RTTN: variants seen among roughly 807,000 people sequenced by gnomAD.
RTTN encodes rotatin.
In RTTN, 182 loss-of-function variants were observed where a neutral mutation model predicts 269.2. The observed-to-expected ratio is 0.68, with a 90% CI of 0.60 to 0.76. The LOEUF is 0.76. Among genes scored for constraint, RTTN ranks in the 30% least tolerant of loss-of-function variants. RTTN has a pLI of 0.00. For synonymous variants in RTTN, 1,006 were observed against 963.5 expected, an observed-to-expected ratio of 1.04 and a Z score of -0.82; for missense variants, 2,545 against 2,608.6, an observed-to-expected ratio of 0.98 and a Z score of 0.53.
intron 14 of RTTN, among the ~76,000 whole-genome samples, chr18:70,165,174 T>C (rs2060951737): frequency 6.6e-6 from 1 of 152,100 alleles, no homozygotes; most frequent in African/African-American, 2.4e-5. Context: ...CCTAAATATT[T>C]ATCATTCAAT....
intron 21 of RTTN, among the ~76,000 whole-genome samples, chr18:70,136,491 G>A (rs890223691): frequency 4.0e-5 from 6 of 151,674 alleles, no homozygotes; most frequent in Non-Finnish European, 8.8e-5. Flanking sequence ...TAAGGATTGT[G>A]CCTATCTTAT....
At chr18:70,073,126 A>G (rs895602385) in intron 34 of RTTN, among the ~76,000 whole-genome samples, 1 of 152,062 alleles carries the variant, frequency 6.6e-6, no homozygotes, top group Admixed American at 6.6e-5. Context: ...TCCCTTCCTG[A>G]TATGTTGTAT....
At chr18:70,063,721 G>C (rs2058054165) in intron 35 of RTTN, among the ~76,000 whole-genome samples, 2 of 152,148 alleles carry the variant, frequency 1.3e-5, no homozygotes, top group South Asian at 4.2e-4. Flanking sequence ...AGCATATATA[G>C]AAACCTTTTT....
In RTTN at chr18:70,086,681, C is replaced by A. The variant is rs769446702; in HGVS notation, c.4306G>T (p.Ala1436Ser). The change falls in exon 32 of 49, where the codon GCA becomes TCA. Residue 1436 changes from alanine to serine, a missense_variant. Physicochemically the swap from Ala to Ser is moderately conservative, Grantham distance 99. Coordinates refer to ENST00000640769, the MANE Select transcript of RTTN (RefSeq NM_173630.4). The stretch of plus-strand genomic sequence containing the variant: ...ACAAGGAGATTCTGAAGAATAAATG[C>A]CGCCTGAAAATGTAAAAAAAAAAAA... ...SECSMVRREA[A>S]FILQNLLVIP... 3.2e-5 allele frequency: 16 copies of A among 507,170 alleles called. No homozygotes were observed. The highest frequency in any genetic ancestry group is 5.2e-5 in the Non-Finnish European group (16 of 305,732). 31.4% of individuals were successfully genotyped at this position (507,170 alleles called of 1,614,324 possible).
intron 28 of RTTN, among the ~76,000 whole-genome samples, chr18:70,100,460 A>T (rs1341371934): frequency 6.6e-6 from 1 of 152,236 alleles, no homozygotes; most frequent in Non-Finnish European, 1.5e-5. Context: ...GTTGCTTATC[A>T]GCTTAAGGAG....
At chr18:70,136,261 AT>A (rs1314283877) in intron 21 of RTTN, among the ~76,000 whole-genome samples, 1 of 152,128 alleles carries the variant, frequency 6.6e-6, no homozygotes, top group Non-Finnish European at 1.5e-5. Flanking sequence ...TTCAAATTTA[AT>A]TTTTTTAAAC....
At chr18:70,031,471 T>G in intron 40 of RTTN, 2 of 397,358 alleles carry the variant, frequency 5.0e-6, no homozygotes, top group Non-Finnish European at 8.9e-6. Context: ...CATGCACCTG[T>G]CATATAACAT....
intron 23 of RTTN, chr18:70,130,974 T>C (rs1172705542): frequency 6.6e-6 from 1 of 151,860 alleles, no homozygotes; most frequent in African/African-American, 2.4e-5. Context: ...GCAAGCAAAG[T>C]GCTGTGGGAT....
At chr18:70,134,319 T>C (rs1481074899) in intron 23 of RTTN, among the ~76,000 whole-genome samples, 154 bp downstream of exon 23, 1 of 152,112 alleles carries the variant, frequency 6.6e-6, no homozygotes, top group Non-Finnish European at 1.5e-5. Flanking sequence ...ATATACTTAC[T>C]GAAATCTTCA....
intron 28 of RTTN, among the ~76,000 whole-genome samples, chr18:70,106,135 C>T (rs144370189): frequency 2.0e-5 from 3 of 152,046 alleles, no homozygotes; most frequent in African/African-American, 7.2e-5. Flanking sequence ...ATCATTTGCG[C>T]CAAAGAATTC....
chr18:70,043,387 T>G (rs1181041918), intron 40 of RTTN, among the ~76,000 whole-genome samples: 1 of 152,066 alleles, frequency 6.6e-6, no homozygotes, highest in African/African-American at 2.4e-5. Context: ...CATTATGGTA[T>G]ATCAATATTA....
chr18:70,029,426 T>C (rs2056949622), intron 42 of RTTN, among the ~76,000 whole-genome samples: 1 of 152,154 alleles, frequency 6.6e-6, no homozygotes, highest in African/African-American at 2.4e-5. Flanking sequence ...TCAGTTTACC[T>C]GAGCATGCAG....
intron 7 of RTTN, among the ~76,000 whole-genome samples, chr18:70,193,870 A>G (rs1216242631): frequency 6.6e-6 from 1 of 152,234 alleles, no homozygotes; most frequent in Non-Finnish European, 1.5e-5. Context: ...ATGACCTTGA[A>G]TTTGGCAATC....
intron 21 of RTTN, among the ~76,000 whole-genome samples, chr18:70,136,575 T>C (rs191318250): frequency 6.6e-6 from 1 of 151,794 alleles, no homozygotes; most frequent in Admixed American, 6.6e-5. Context: ...GATGAAGAAA[T>C]TTGAATATAT....
At chr18:70,075,633 G>A (rs2058409434) in intron 32 of RTTN, 92 bp from the exon 33 acceptor site, 1 of 965,366 alleles carries the variant, frequency 1.0e-6, no homozygotes. Flanking sequence ...GAAACAAATG[G>A]GTCCCAGATG....
intron 19 of RTTN, 59 bp from the exon 20 acceptor site, chr18:70,140,247 A>AT: frequency 1.1e-6 from 1 of 915,362 alleles, no homozygotes; most frequent in African/African-American, 1.7e-5. Context: ...TAAAACACGT[A>AT]TTTTGAAATA....
Position 70,166,045 on chromosome 18 carries a change from A to G in RTTN, c.1929+17T>C, listed in dbSNP as rs749102978. ...TTTGTTCTCAAAAACAAAACATACG[A>G]AAAAACAAAACCTCACCTTCGTGAT... is the stretch of plus-strand genomic sequence containing the variant. On this transcript the variant is annotated intron_variant, in intron 14 of 48. Transcript: ENST00000640769. The G allele has an allele frequency of 1.9e-6, 3 of 1,612,336 alleles. No homozygotes were observed. Among genetic ancestry groups the G allele is most frequent in the Non-Finnish European group, 2.5e-6 (3 of 1,179,120 alleles).
intron 33 of RTTN, 170 bp downstream of exon 33, chr18:70,075,182 C>T: frequency 1.9e-6 from 1 of 514,556 alleles, no homozygotes. Context: ...AAAGGCTATA[C>T]AGAGAAAGAA....
At chr18:70,058,513 C>T (rs8084959) in intron 36 of RTTN, among the ~76,000 whole-genome samples, 137,155 of 152,186 alleles carry the variant, frequency 0.9, 62,655 homozygotes, top group East Asian at 1. Flanking sequence ...AGTGAAACTC[C>T]GTCTCAAAAT....
Sources: gnomAD v4.1 joint callset for allele counts (sites outside exome capture counted in the v4.1 genomes callset) on GRCh38, gnomAD v4.1.1 for gene constraint, MANE v1.5 for transcripts, NCBI Gene and HGNC (gene_info 2026-07-23, HGNC 2026-07-21) for gene names.